Variants in BMPR1B observed in about 807,000 individuals in gnomAD.
The protein encoded by BMPR1B is bone morphogenetic protein receptor type-1B.
In BMPR1B, 12 loss-of-function variants were observed where a neutral mutation model predicts 59.1. That is an observed-to-expected ratio of 0.20 (90% CI 0.13 to 0.33). The LOEUF (loss-of-function observed/expected upper bound fraction) is 0.33, where lower values mean the gene tolerates loss of function less well. Ranked by LOEUF, BMPR1B falls within the 10% of genes least tolerant of loss-of-function variation. BMPR1B has a pLI of 1.00. For missense variants in BMPR1B, 550 were observed against 610.9 expected, an observed-to-expected ratio of 0.90 and a Z score of 1.05; for synonymous variants, 237 against 207.3, an observed-to-expected ratio of 1.14 and a Z score of -1.23.
intron 3 of BMPR1B, among the ~76,000 whole-genome samples, chr4:95,079,700 GTC>G (rs1441453883): frequency 1.1e-4 from 16 of 151,366 alleles, no homozygotes; most frequent in Non-Finnish European, 2.4e-4. Flanking sequence ...GGAAAAGTTT[GTC>G]TCTCTATATA....
At chr4:94,962,903 C>G (rs1730423943) in intron 2 of BMPR1B, among the ~76,000 whole-genome samples, 1 of 152,100 alleles carries the variant, frequency 6.6e-6, no homozygotes, top group Non-Finnish European at 1.5e-5. Context: ...TCATACTGTT[C>G]TCCATAATGG....
At chr4:94,870,326 G>C (rs951471735) in intron 1 of BMPR1B, among the ~76,000 whole-genome samples, 1 of 144,686 alleles carries the variant, frequency 6.9e-6, no homozygotes, top group African/African-American at 2.9e-5. Context: ...TCTGTGGAGT[G>C]TCTTGCTGGT....
intron 1 of BMPR1B, among the ~76,000 whole-genome samples, chr4:94,809,530 A>C (rs917029439): frequency 6.6e-6 from 1 of 152,236 alleles, no homozygotes; most frequent in Non-Finnish European, 1.5e-5. Context: ...TGTTGATCAG[A>C]GAGTACACAC....
chr4:94,896,409 CCT>C (rs1435925433), intron 2 of BMPR1B, among the ~76,000 whole-genome samples: 2 of 151,450 alleles, frequency 1.3e-5, no homozygotes, highest in Admixed American at 6.6e-5. Context: ...GTTTTAATAC[CCT>C]GAGTTTGCTG....
At chr4:95,012,373 ATTTAGAACCT>A (rs954506444) in intron 3 of BMPR1B, among the ~76,000 whole-genome samples, 13 of 152,226 alleles carry the variant, frequency 8.5e-5, no homozygotes, top group African/African-American at 3.1e-4. Context: ...GTACACACAT[ATTTAGAACCT>A]TACGTCTGTC....
At chr4:94,959,806 G>A (rs1730285086) in intron 2 of BMPR1B, among the ~76,000 whole-genome samples, 1 of 152,100 alleles carries the variant, frequency 6.6e-6, no homozygotes, top group Non-Finnish European at 1.5e-5. Context: ...CTAGGGTAGA[G>A]AGTATGATTT....
chr4:94,876,146 A>G (rs891308714), intron 2 of BMPR1B, among the ~76,000 whole-genome samples: 4 of 152,244 alleles, frequency 2.6e-5, no homozygotes, highest in African/African-American at 9.6e-5. Flanking sequence ...TGTGCTTTTC[A>G]TTTGAAATGT....
At chr4:94,905,373 TGCAAACAGTAATG>T (rs1727996518) in intron 2 of BMPR1B, among the ~76,000 whole-genome samples, 1 of 152,060 alleles carries the variant, frequency 6.6e-6, no homozygotes. Context: ...TGATTACTAA[TGCAAACAGTAATG>T]GCTAACAATT....
chr4:94,764,972 AAAAT>A (rs903769879), intron 1 of BMPR1B, among the ~76,000 whole-genome samples: 6 of 152,290 alleles, frequency 3.9e-5, no homozygotes, highest in Non-Finnish European at 7.4e-5. Context: ...TTTATTTAAA[AAAAT>A]AAACGGTGCA....
chr4:94,898,435 T>C (rs1355752421), intron 2 of BMPR1B, among the ~76,000 whole-genome samples: 2 of 152,056 alleles, frequency 1.3e-5, no homozygotes, highest in Admixed American at 1.3e-4. Flanking sequence ...ATGATTAGAT[T>C]ATGGGGGCAG....
intron 2 of BMPR1B, among the ~76,000 whole-genome samples, chr4:94,977,885 T>A (rs1343044465): frequency 6.6e-6 from 1 of 152,188 alleles, no homozygotes; most frequent in East Asian, 1.9e-4. Flanking sequence ...CTCCTTTCGG[T>A]ATTCTACTTG....
intron 2 of BMPR1B, among the ~76,000 whole-genome samples, chr4:94,939,070 A>G (rs187081063): frequency 6.6e-6 from 1 of 152,238 alleles, no homozygotes; most frequent in African/African-American, 2.4e-5. Context: ...CATGATCTGA[A>G]CTCCGAGCCT....
At chr4:95,055,611 A>G (rs1454849847) in intron 3 of BMPR1B, among the ~76,000 whole-genome samples, 3 of 152,210 alleles carry the variant, frequency 2.0e-5, no homozygotes, top group Non-Finnish European at 2.9e-5. Context: ...CAGATGTAAG[A>G]AATTTGATCT....
At chr4:95,151,930 A>G (rs1376953256) in intron 11 of BMPR1B, among the ~76,000 whole-genome samples, 2 of 152,164 alleles carry the variant, frequency 1.3e-5, no homozygotes, top group East Asian at 3.8e-4. Context: ...AGAAGGTAGA[A>G]ATTAAATACT....
chr4:94,882,632 A>G (rs946225898), intron 2 of BMPR1B, among the ~76,000 whole-genome samples: 2 of 152,222 alleles, frequency 1.3e-5, no homozygotes, highest in African/African-American at 4.8e-5. Flanking sequence ...ATAACAGGTT[A>G]ATCCAGCTAG....
At chr4:94,883,086 C>T (rs13105913) in intron 2 of BMPR1B, among the ~76,000 whole-genome samples, 21,302 of 151,912 alleles carry the variant, frequency 0.14, 1,691 homozygotes, top group South Asian at 0.19. Flanking sequence ...TCTGCCTTTG[C>T]AGGTGTCATC....
chr4:95,125,397 C>T (rs1732836313), intron 8 of BMPR1B, among the ~76,000 whole-genome samples: 1 of 152,170 alleles, frequency 6.6e-6, no homozygotes, highest in Admixed American at 6.5e-5. Context: ...GGACCATCTT[C>T]CCTGTGTTTT....
chr4:95,036,520 G>C (rs1834718), intron 3 of BMPR1B, among the ~76,000 whole-genome samples: 2 of 152,094 alleles, frequency 1.3e-5, no homozygotes, highest in African/African-American at 4.8e-5. Flanking sequence ...TCCAGTTCCA[G>C]CTACGTTGTT....
chr4:94,931,769 A>T (rs976859250), intron 2 of BMPR1B, among the ~76,000 whole-genome samples: 4 of 152,112 alleles, frequency 2.6e-5, no homozygotes, highest in Admixed American at 2.6e-4. Flanking sequence ...GGAGGGCTGC[A>T]TGCTTAAAAA....
Sources: allele counts gnomAD v4.1 joint callset (sites outside exome capture counted in the v4.1 genomes callset), GRCh38; gene constraint gnomAD v4.1.1; transcripts MANE v1.5; gene names NCBI Gene and HGNC (gene_info 2026-07-23, HGNC 2026-07-21).